FOXP2: variants seen among roughly 807,000 people sequenced by gnomAD.
FOXP2 encodes forkhead box P2.
FOXP2 carries 12 observed loss-of-function variants against 115.8 expected under a neutral mutation model. That is an observed-to-expected ratio of 0.10 (90% CI 0.07 to 0.17). The LOEUF (loss-of-function observed/expected upper bound fraction) is 0.17, where lower values mean the gene tolerates loss of function less well. Among genes scored for constraint, FOXP2 ranks in the 10% least tolerant of loss-of-function variants. FOXP2 has a pLI of 1.00. For missense variants in FOXP2, 629 were observed against 843.5 expected, an observed-to-expected ratio of 0.75 and a Z score of 3.15; for synonymous variants, 328 against 297.7, an observed-to-expected ratio of 1.10 and a Z score of -1.05.
At chr7:114,440,952 A>G (rs766669710) in intron 2 of FOXP2, among the ~76,000 whole-genome samples, 22 of 152,210 alleles carry the variant, frequency 1.4e-4, no homozygotes, top group Non-Finnish European at 3.2e-4. Context: ...ATCCATAATA[A>G]TCTTAGAAAT....
At chr7:114,632,402 A>G (rs1177027687) in intron 6 of FOXP2, among the ~76,000 whole-genome samples, 1 of 152,230 alleles carries the variant, frequency 6.6e-6, no homozygotes, top group Admixed American at 6.5e-5. Flanking sequence ...GTTTTAAATT[A>G]TAAAAGACAA....
intron 2 of FOXP2, among the ~76,000 whole-genome samples, chr7:114,379,278 C>A (rs1191596602): frequency 6.6e-6 from 1 of 152,126 alleles, no homozygotes; most frequent in Non-Finnish European, 1.5e-5. Flanking sequence ...GCATAATTAG[C>A]ATTTTAGTGA....
chr7:114,250,033 G>A (rs537835619), intron 1 of FOXP2, among the ~76,000 whole-genome samples: 21 of 148,484 alleles, frequency 1.4e-4, no homozygotes, highest in African/African-American at 5.2e-4. Context: ...CCACCTAAGA[G>A]TGAGAACATG....
At chr7:114,182,870 C>T (rs527624802) in intron 1 of FOXP2, among the ~76,000 whole-genome samples, 1 of 151,928 alleles carries the variant, frequency 6.6e-6, no homozygotes, top group Admixed American at 6.6e-5. Flanking sequence ...TATAGGCCAT[C>T]GTTGGCACTA....
intron 1 of FOXP2, among the ~76,000 whole-genome samples, chr7:114,192,645 C>A (rs986094782): frequency 2.6e-5 from 4 of 152,176 alleles, no homozygotes; most frequent in Non-Finnish European, 5.9e-5. Flanking sequence ...ATATTGCAAT[C>A]AGTTGTAACT....
chr7:114,498,789 A>T, intron 2 of FOXP2: 1 of 707,260 alleles, frequency 1.4e-6, no homozygotes, highest in Non-Finnish European at 2.6e-6. Context: ...TTTGCAAATA[A>T]TTTTTTTGGG....
At chr7:114,256,671 A>T (rs1443023113) in intron 1 of FOXP2, among the ~76,000 whole-genome samples, 1 of 152,202 alleles carries the variant, frequency 6.6e-6, no homozygotes, top group African/African-American at 2.4e-5. Flanking sequence ...CTCTGATGAT[A>T]GTTTCTTTTG....
At chr7:114,238,945 TTTATAA>T in intron 1 of FOXP2, among the ~76,000 whole-genome samples, 1 of 148,914 alleles carries the variant, frequency 6.7e-6, no homozygotes, top group African/African-American at 2.4e-5. Flanking sequence ...AATACAAACA[TTTATAA>T]ATATAAAAAT....
chr7:114,150,911 A>T (rs1792512415), intron 1 of FOXP2, among the ~76,000 whole-genome samples: 1 of 152,056 alleles, frequency 6.6e-6, no homozygotes, highest in Admixed American at 6.6e-5. Context: ...CATTTAAAAT[A>T]CTGTCTAAAT....
chr7:114,525,005 G>A (rs1031303699), intron 2 of FOXP2, among the ~76,000 whole-genome samples: 1 of 152,010 alleles, frequency 6.6e-6, no homozygotes, highest in African/African-American at 2.4e-5. Context: ...AAATATCATA[G>A]AACATGACTC....
At chr7:114,530,261 AAC>A (rs946979181) in intron 2 of FOXP2, among the ~76,000 whole-genome samples, 2 of 152,060 alleles carry the variant, frequency 1.3e-5, no homozygotes, top group Admixed American at 6.6e-5. Flanking sequence ...AAGCCTAGGC[AAC>A]AGTGTTTTTC....
intron 1 of FOXP2, among the ~76,000 whole-genome samples, chr7:114,254,844 G>A (rs900341350): frequency 2.0e-5 from 3 of 152,194 alleles, no homozygotes; most frequent in East Asian, 1.9e-4. Context: ...GAGGAGCTGC[G>A]TTCCTTTGGA....
In FOXP2 at chr7:114,646,060, T is replaced by TAA. The variant is rs57137258; in HGVS notation, c.1094+1292_1094+1293dup. ...GTAGCTTTGCTGAAGTTTTCTTCTC[T>TAA]AAAAAAAAAAAAAAAAAAAAAATTG... On this transcript the variant is annotated intron_variant, in intron 8 of 16. Transcript: ENST00000350908. Among the ~76,000 whole-genome samples the TAA allele has an allele frequency of 6.8e-4, 58 of 85,656 alleles. 15 individuals carry two copies. Among genetic ancestry groups the TAA allele is most frequent in the Middle Eastern group, 0.014 (2 of 146 alleles). The allele number at this position is 85,656 out of a possible 152,430, so 56.2% of individuals were successfully genotyped here. A position where few individuals can be genotyped will look rare whatever the true frequency, so the allele number is the denominator to read the frequency against.
chr7:114,123,217 T>G (rs1791614617), intron 1 of FOXP2, among the ~76,000 whole-genome samples: 1 of 151,668 alleles, frequency 6.6e-6, no homozygotes, highest in East Asian at 1.9e-4. Flanking sequence ...TAGTCAGGCA[T>G]GGTGTTGCCT....
At chr7:114,288,564 AT>A (rs1216747408) in intron 2 of FOXP2, among the ~76,000 whole-genome samples, 2 of 151,606 alleles carry the variant, frequency 1.3e-5, no homozygotes, top group Admixed American at 1.3e-4. Flanking sequence ...CCAGTAATGA[AT>A]TTTTTTCTAG....
chr7:114,688,208 T>TACACACACACACACACACACACACACAC (rs56751704), intron 16 of FOXP2, among the ~76,000 whole-genome samples: 1 of 115,334 alleles, frequency 8.7e-6, no homozygotes, highest in Non-Finnish European at 1.7e-5. Context: ...CATACATGCA[T>TACACACACACACACACACACACACACAC]ACACACACAC....
intron 6 of FOXP2, among the ~76,000 whole-genome samples, chr7:114,635,707 A>G (rs1441073080): frequency 6.6e-6 from 1 of 152,192 alleles, no homozygotes; most frequent in African/African-American, 2.4e-5. Flanking sequence ...TATAACATTA[A>G]AATGAATTTA....
chr7:114,677,356 AAAG>A (rs1377756876), intron 16 of FOXP2, among the ~76,000 whole-genome samples: 1 of 152,218 alleles, frequency 6.6e-6, no homozygotes, highest in Non-Finnish European at 1.5e-5. Context: ...CTAAATAAGC[AAAG>A]AAGAGAAGAC....
At chr7:114,459,851 A>G (rs1436300661) in intron 2 of FOXP2, among the ~76,000 whole-genome samples, 1 of 152,126 alleles carries the variant, frequency 6.6e-6, no homozygotes, top group Non-Finnish European at 1.5e-5. Flanking sequence ...GCTGACCTCA[A>G]GTGATCCTCC....
Sources: allele counts gnomAD v4.1 joint callset (sites outside exome capture counted in the v4.1 genomes callset), GRCh38; gene constraint gnomAD v4.1.1; transcripts MANE v1.5; gene names NCBI Gene and HGNC (gene_info 2026-07-23, HGNC 2026-07-21).